The following SPATA22 variants were observed in gnomAD, a reference collection of about 807,000 sequenced individuals.
SPATA22 encodes spermatogenesis associated 22.
Under a neutral mutation model 47.8 loss-of-function variants are expected in SPATA22, and 29 were observed. The ratio of observed to expected loss-of-function variants is 0.61; its 90% confidence interval spans 0.45 to 0.83. The LOEUF (loss-of-function observed/expected upper bound fraction) is 0.83, where lower values mean the gene tolerates loss of function less well. Ranked by LOEUF, SPATA22 falls within the 40% of genes least tolerant of loss-of-function variation. The pLI is 0.00. For missense variants in SPATA22, 410 were observed against 421.7 expected, an observed-to-expected ratio of 0.97 and a Z score of 0.24; for synonymous variants, 133 against 140.9, an observed-to-expected ratio of 0.94 and a Z score of 0.40.
chr17:3,471,501 G>A, intron 1 of SPATA22, 181 bp downstream of exon 1: 1 of 985,192 alleles, frequency 1.0e-6, no homozygotes, highest in Non-Finnish European at 1.2e-6. Flanking sequence ...TGTGCAAAAA[G>A]TGTGCTCAAT....
chr17:3,464,881 A>AG (rs1194714971), intron 3 of SPATA22, among the ~76,000 whole-genome samples: 1 of 90,624 alleles, frequency 1.1e-5, no homozygotes, highest in African/African-American at 3.5e-5. Context: ...CCCGTCTGGG[A>AG]GGGGGGTGGG....
intron 1 of SPATA22, among the ~76,000 whole-genome samples, chr17:3,494,034 C>T (rs918611239): frequency 2.3e-5 from 2 of 85,680 alleles, no homozygotes; most frequent in Admixed American, 1.9e-4. Context: ...TCCCTTTTTC[C>T]AGATTTTTTT....
chr17:3,513,364 G>A (rs1478082247), intron 1 of SPATA22: 1 of 153,030 alleles, frequency 6.5e-6, no homozygotes, highest in African/African-American at 2.4e-5. Context: ...GTTCCGGAAG[G>A]GTGTTTCCAG....
chr17:3,452,315 CG>C (rs1412929352), intron 5 of SPATA22, among the ~76,000 whole-genome samples: 1 of 150,348 alleles, frequency 6.7e-6, no homozygotes, highest in East Asian at 1.9e-4. Flanking sequence ...AAACTGGGAC[CG>C]GGCGAGGTGG....
Position 3,485,725 on chromosome 17 carries a change from C to T in SPATA22, c.-73-16327G>A, listed in dbSNP as rs1256895357. ...GATCTGAGAAATTTTACCCGACTTACAAGCTAACCATTAGCCTAGCACCTC... is the reference window on the plus strand; with the variant it reads ...GATCTGAGAAATTTTACCCGACTTATAAGCTAACCATTAGCCTAGCACCTC... On this transcript the variant is annotated intron_variant, in intron 1 of 8. Transcript: ENST00000541913. The surrounding 1 kb of genome is among the most constrained non-coding windows in gnomAD (Gnocchi z 4.4). Among the ~76,000 whole-genome samples the T allele has an allele frequency of 6.6e-6, 1 of 152,200 alleles. No homozygotes were observed. The highest frequency in any genetic ancestry group is 6.6e-5 in the Admixed American group (1 of 15,266).
chr17:3,487,233 G>A (rs1462615490), intron 1 of SPATA22, among the ~76,000 whole-genome samples: 1 of 152,144 alleles, frequency 6.6e-6, no homozygotes, highest in Non-Finnish European at 1.5e-5. Flanking sequence ...TTTGTATGCA[G>A]CAATATTCTT....
chr17:3,475,953 G>T, upstream of SPATA22: 1 of 585,674 alleles, frequency 1.7e-6, no homozygotes, highest in Non-Finnish European at 3.0e-6. Flanking sequence ...TCCAAATATG[G>T]CAAAGGGCAG....
At chr17:3,504,733 T>G (rs1220560279) in intron 1 of SPATA22, among the ~76,000 whole-genome samples, 2 of 151,940 alleles carry the variant, frequency 1.3e-5, no homozygotes, top group African/African-American at 4.8e-5. Flanking sequence ...AATTTTGTAT[T>G]TTTTTAGTAG....
intron 5 of SPATA22, among the ~76,000 whole-genome samples, chr17:3,454,279 T>C (rs974348600): frequency 2.6e-5 from 4 of 151,148 alleles, no homozygotes; most frequent in Non-Finnish European, 5.9e-5. Context: ...ATATTGTTTT[T>C]TGTTTTATTT....
At chr17:3,491,216 T>C (rs1490292028) in intron 1 of SPATA22, among the ~76,000 whole-genome samples, 1 of 152,192 alleles carries the variant, frequency 6.6e-6, no homozygotes, top group African/African-American at 2.4e-5. Context: ...TGACAATCTT[T>C]AACAATTGTT....
rs757396442 is a variant in SPATA22 at position 3,440,019 on chromosome 17, T to C, written c.*128A>G. ...TTATACTTCAAAAACTCTTTCCACATTTAAAAGAATTCAAATACTTTAATT... is the reference window on the plus strand; with the variant it reads ...TTATACTTCAAAAACTCTTTCCACACTTAAAAGAATTCAAATACTTTAATT... On this transcript the variant is annotated 3_prime_UTR_variant, in exon 9 of 9. Coordinates refer to ENST00000572969, the MANE Select transcript of SPATA22 (RefSeq NM_001170698.2). 1.4e-5 allele frequency: 8 copies of C among 584,024 alleles called. No individual in the cohort carries two copies. The highest frequency in any genetic ancestry group is 2.2e-5 in the Non-Finnish European group (8 of 366,930). 36.2% of individuals were successfully genotyped at this position (584,024 alleles called of 1,614,324 possible).
At chr17:3,508,232 T>G (rs2074060780) in intron 1 of SPATA22, among the ~76,000 whole-genome samples, 1 of 151,762 alleles carries the variant, frequency 6.6e-6, no homozygotes, top group East Asian at 2.0e-4. Context: ...ATGGCAATCA[T>G]TAAAAAGTCA....
intron 5 of SPATA22, among the ~76,000 whole-genome samples, chr17:3,460,379 T>C (rs1185151134): frequency 6.6e-6 from 1 of 152,220 alleles, no homozygotes; most frequent in African/African-American, 2.4e-5. Flanking sequence ...TATTCTATTA[T>C]TTTCATAATG....
At position 3,491,625 on chromosome 17, in the gene SPATA22, A is replaced by G. The variant is rs941997218; in HGVS notation, c.-74+21787T>C. Among the ~76,000 whole-genome samples, 125 of 152,122 alleles carry G rather than the reference A, an allele frequency of 8.2e-4. 2 individuals carry two copies. The highest frequency in any genetic ancestry group is 3.0e-3 in the African/African-American group (123 of 41,528). On this transcript the variant is annotated intron_variant, in intron 1 of 8. Coordinates refer to the SPATA22 transcript ENST00000541913. The stretch of plus-strand genomic sequence containing the variant: ...TAGCTGGGTGTGGTGGCATGCGCCT[A>G]TAATTCCAGCTACTCCGAAGGCTGA...
intron 1 of SPATA22, among the ~76,000 whole-genome samples, chr17:3,492,193 T>A (rs1329831816): frequency 2.0e-5 from 3 of 152,206 alleles, no homozygotes; most frequent in Admixed American, 1.3e-4. Flanking sequence ...AAATTTCTTA[T>A]TAAAAAAGCT....
chr17:3,491,125 T>C (rs947311731), intron 1 of SPATA22, among the ~76,000 whole-genome samples: 1 of 152,238 alleles, frequency 6.6e-6, no homozygotes, highest in Non-Finnish European at 1.5e-5. Context: ...TAAAGACATA[T>C]GCGACATGCT....
At chr17:3,467,028 C>CT (rs920096834) in intron 3 of SPATA22, among the ~76,000 whole-genome samples, 5 of 152,072 alleles carry the variant, frequency 3.3e-5, no homozygotes, top group Middle Eastern at 3.2e-3. Flanking sequence ...TAAAATCTAT[C>CT]TTTTTTTTCC....
At chr17:3,504,388 T>C (rs1376289424) in intron 1 of SPATA22, among the ~76,000 whole-genome samples, 2 of 152,108 alleles carry the variant, frequency 1.3e-5, no homozygotes, top group Non-Finnish European at 2.9e-5. Flanking sequence ...CCTTTCTTTT[T>C]ATCTTCCTTC....
intron 1 of SPATA22, among the ~76,000 whole-genome samples, chr17:3,480,934 A>G (rs2073616671): frequency 3.9e-5 from 6 of 152,202 alleles, no homozygotes. Context: ...AGCCTGGGCA[A>G]CAGAGCAAGA....
Sources: allele counts gnomAD v4.1 joint callset (sites outside exome capture counted in the v4.1 genomes callset), GRCh38; gene constraint gnomAD v4.1.1; non-coding constraint Gnocchi (gnomAD v3.1); transcripts MANE v1.5; gene names NCBI Gene and HGNC (gene_info 2026-07-23, HGNC 2026-07-21).